Variants in SLC9A6 observed in about 807,000 individuals in gnomAD.
SLC9A6 encodes the protein solute carrier family 9 member A6, also known as sodium/hydrogen exchanger 6.
SLC9A6 carries 6 observed loss-of-function variants against 45.3 expected under a neutral mutation model. The ratio of observed to expected loss-of-function variants is 0.13; its 90% CI spans 0.07 to 0.26. The LOEUF (loss-of-function observed/expected upper bound fraction) is 0.26, where lower values mean the gene tolerates loss of function less well. SLC9A6 is among the 10% of genes least tolerant of loss of function. The pLI, the probability that SLC9A6 is intolerant of heterozygous loss-of-function variation, is 1.00. For missense variants in SLC9A6, 278 were observed against 503.7 expected (o/e 0.55, Z 4.29); for synonymous variants, 191 against 187.7 (o/e 1.02, Z -0.14).
chrX:135,995,427 A>G (rs1490591325), intron 3 of SLC9A6, among the ~76,000 whole-genome samples: 3 of 111,011 alleles, frequency 2.7e-5, no homozygotes, highest in East Asian at 2.8e-4. Context: ...GGTTCAAGCA[A>G]TTCTCCTGCC....
chrX:136,002,594 C>T (rs1253832464), intron 7 of SLC9A6, among the ~76,000 whole-genome samples: 2 of 109,246 alleles, frequency 1.8e-5, no homozygotes, highest in Non-Finnish European at 1.9e-5. Flanking sequence ...AAGAGTCTCA[C>T]TCTATCACAC....
Position 136,033,909 on chromosome X carries a change from G to A in SLC9A6, c.1661+416G>A, listed in dbSNP as rs782099952. ...AAGCATGAGAATGAAATCAAAATGC[G>A]ATAATGTTCAATACTGCGCTGTTCA... On this transcript the variant is annotated intron_variant, in intron 16 of 17. Transcript: ENST00000630721. Among the ~76,000 whole-genome samples the A allele has an allele frequency of 3.6e-5, 4 of 111,934 alleles. No homozygotes were observed. The East Asian group carries it at 8.4e-4, about 24-fold the overall frequency.
At chrX:135,975,907 T>G (rs1176605307) in intron 1 of SLC9A6, among the ~76,000 whole-genome samples, 1 of 105,649 alleles carries the variant, frequency 9.5e-6, no homozygotes, top group Non-Finnish European at 1.9e-5. Flanking sequence ...ATCCCAGGAG[T>G]TCAAGGCTAC....
At chrX:136,023,232 T>C (rs2071170021) in intron 12 of SLC9A6, among the ~76,000 whole-genome samples, 1 of 73,621 alleles carries the variant, frequency 1.4e-5, no homozygotes, top group African/African-American at 5.4e-5. Flanking sequence ...TAGTGTCCCA[T>C]TCCCTTCTGT....
intron 15 of SLC9A6, 60 bp from the exon 16 acceptor site, chrX:136,033,354 G>T (rs1356284303): frequency 1.8e-5 from 13 of 716,808 alleles, no homozygotes; most frequent in Non-Finnish European, 2.4e-5. Flanking sequence ...CAAAGGAATG[G>T]CTCTAAATAA....
chrX:135,999,141 A>G (rs1283116156), intron 6 of SLC9A6, among the ~76,000 whole-genome samples, 173 bp downstream of exon 6: 2 of 110,016 alleles, frequency 1.8e-5, no homozygotes, highest in African/African-American at 6.6e-5. Flanking sequence ...TGGCTTCAGC[A>G]CAAATTTGTT....
At chrX:136,021,684 A>T (rs1046227299) in intron 11 of SLC9A6, among the ~76,000 whole-genome samples, 15 of 110,862 alleles carry the variant, frequency 1.4e-4, no homozygotes, top group African/African-American at 4.6e-4. Flanking sequence ...ACACCACCAC[A>T]CCCGGCTCAT....
intron 7 of SLC9A6, among the ~76,000 whole-genome samples, chrX:136,004,080 C>CTTTTT (rs782804669): frequency 7.5e-5 from 5 of 66,243 alleles, no homozygotes; most frequent in East Asian, 5.1e-4. Flanking sequence ...CCTCCCTAAT[C>CTTTTT]TTTTTTTTTT....
chrX:136,007,155 C>G (rs996869634), intron 7 of SLC9A6, among the ~76,000 whole-genome samples: 14 of 111,508 alleles, frequency 1.3e-4, no homozygotes, highest in African/African-American at 4.6e-4. Context: ...GCAGGAGCCA[C>G]TGTGCTCGGC....
chrX:136,027,425 G>T (rs782706916), intron 13 of SLC9A6, among the ~76,000 whole-genome samples: 1 of 111,979 alleles, frequency 8.9e-6, no homozygotes, highest in East Asian at 2.8e-4. Flanking sequence ...AACTTGGCCT[G>T]TTGAATGAAC....
upstream of SLC9A6, among the ~76,000 whole-genome samples, chrX:135,980,364 G>C (rs782078346): frequency 3.4e-3 from 369 of 109,200 alleles, 3 homozygotes; most frequent in Non-Finnish European, 5.7e-3. Flanking sequence ...ATTTAATTCA[G>C]TGTTTATCAG....
chrX:135,999,481 C>T (rs905902623), intron 6 of SLC9A6, among the ~76,000 whole-genome samples: 1 of 111,855 alleles, frequency 8.9e-6, no homozygotes, highest in Non-Finnish European at 1.9e-5. Flanking sequence ...CATTGGAGGA[C>T]TTTAATATAC....
chrX:136,041,548 C>G (rs1301450470), intron 17 of SLC9A6, among the ~76,000 whole-genome samples: 1 of 111,513 alleles, frequency 9.0e-6, no homozygotes, highest in African/African-American at 3.3e-5. Context: ...AACATTGTCT[C>G]CATTTCCACC....
chrX:136,027,017 C>G (rs782732292), intron 13 of SLC9A6, among the ~76,000 whole-genome samples: 1 of 111,867 alleles, frequency 8.9e-6, no homozygotes, highest in African/African-American at 3.2e-5. Flanking sequence ...CACCTGCCAA[C>G]AGAGAATTAT....
At chrX:135,992,861 A>G (rs868906413) in intron 2 of SLC9A6, among the ~76,000 whole-genome samples, 6 of 111,698 alleles carry the variant, frequency 5.4e-5, no homozygotes, top group Admixed American at 9.6e-5. Context: ...GTTTTCACCA[A>G]CTGGACCGAG....
intron 3 of SLC9A6, among the ~76,000 whole-genome samples, chrX:135,996,529 G>C (rs2089499768): frequency 9.0e-6 from 1 of 111,341 alleles, no homozygotes; most frequent in African/African-American, 3.3e-5. Context: ...TGAACAGAAG[G>C]GGGTATTTAC....
intron 2 of SLC9A6, among the ~76,000 whole-genome samples, chrX:135,994,167 T>A (rs1160516745): frequency 1.9e-5 from 2 of 107,542 alleles, no homozygotes; most frequent in Non-Finnish European, 3.8e-5. Flanking sequence ...TGAAGTGGCA[T>A]GATCTCGGCT....
At chrX:136,004,603 T>C (rs1471888272) in intron 7 of SLC9A6, among the ~76,000 whole-genome samples, 7 of 112,287 alleles carry the variant, frequency 6.2e-5, no homozygotes, top group Non-Finnish European at 1.3e-4. Context: ...AGTTGGAAAT[T>C]ATTATTTCTC....
chrX:135,980,086 T>C (rs782230946), intron 1 of SLC9A6, among the ~76,000 whole-genome samples: 1 of 111,961 alleles, frequency 8.9e-6, no homozygotes, highest in Admixed American at 9.5e-5. Context: ...ATTCACCCCC[T>C]TTTCTGTTGC....
Sources: allele counts gnomAD v4.1 joint callset (sites outside exome capture counted in the v4.1 genomes callset), GRCh38; gene constraint gnomAD v4.1.1; transcripts MANE v1.5; gene names NCBI Gene and HGNC (gene_info 2026-07-23, HGNC 2026-07-21).